The following BRPF3 variants were observed in gnomAD, a reference collection of about 807,000 sequenced individuals.
BRPF3 encodes bromodomain and PHD finger containing 3, also known as bromodomain and PHD finger-containing protein 3.
In BRPF3, 18 loss-of-function variants were observed where a neutral mutation model predicts 102.0. The observed-to-expected ratio is 0.18, with a 90% CI of 0.12 to 0.26. The LOEUF (loss-of-function observed/expected upper bound fraction) is 0.26. Ranked by LOEUF, BRPF3 falls within the 10% of genes least tolerant of loss-of-function variation. The pLI, the probability that BRPF3 is intolerant of heterozygous loss-of-function variation, is 1.00. For missense variants in BRPF3, 1,147 were observed against 1,567.8 expected (o/e 0.73, Z 4.53); for synonymous variants, 570 against 614.2 (o/e 0.93, Z 1.06).
intron 9 of BRPF3, among the ~76,000 whole-genome samples, chr6:36,221,817 A>G (rs957527792): frequency 6.6e-6 from 1 of 152,218 alleles, no homozygotes; most frequent in Non-Finnish European, 1.5e-5. Context: ...TTCTGGGCAG[A>G]TGTAAGATGG....
At position 36,230,617 on chromosome 6, in the gene BRPF3, G is replaced by T; in HGVS notation, c.*8G>T. On this transcript the variant is annotated 3_prime_UTR_variant, in exon 13 of 13. Transcript: ENST00000357641. The surrounding 1 kb of genome is among the most constrained non-coding windows in gnomAD (Gnocchi z 5.4). ...ACTTCCAGCTACCTGTAAGGGCAGG[G>T]CTGGGCCTGCATCCGCTTGCCCTGC... 1 of 1,603,820 alleles carries T rather than the reference G, an allele frequency of 6.2e-7. No individual in the cohort carries two copies. Among genetic ancestry groups the T allele is most frequent in the Non-Finnish European group, 8.5e-7 (1 of 1,175,920 alleles).
intron 9 of BRPF3, among the ~76,000 whole-genome samples, chr6:36,220,061 G>A (rs1331827008): frequency 6.6e-6 from 1 of 152,172 alleles, no homozygotes; most frequent in Non-Finnish European, 1.5e-5. Flanking sequence ...CATGGATATG[G>A]ATGTTAAACC....
rs1767942918 is a variant in BRPF3 at position 36,207,364 on chromosome 6, C to T, written c.1657C>T (p.Gln553Ter). 6.2e-7 allele frequency: 1 copy of T among 1,613,970 alleles called. No homozygotes were observed. The highest frequency in any genetic ancestry group is 1.7e-5 in the Admixed American group (1 of 60,012). ...SAVKEELKYWQKLRHDLERAR... is the reference protein window; with the variant it reads ...SAVKEELKYW ...AGTGAAGGAGGAGCTGAAGTATTGG[C>T]AGAAGCTCCGGCATGACTTGGAGCG... Residue 553 changes from glutamine to a stop codon, truncating the protein, a stop_gained, in exon 4 of 13, where the codon CAG (glutamine) becomes TAG (stop). Transcript: ENST00000357641. LOFTEE classifies it high-confidence loss of function.
Position 36,200,476 on chromosome 6 carries a change from A to G in BRPF3, c.154A>G (p.Ile52Val), listed in dbSNP as rs1767656591. The G allele has an allele frequency of 6.2e-7, 1 of 1,614,120 alleles. No homozygotes were observed. The highest frequency in any genetic ancestry group is 2.2e-5 in the East Asian group (1 of 44,896). Residue 52 changes from isoleucine (I) to valine (V), a missense_variant, in exon 2 of 13, where the codon ATC (isoleucine) becomes GTC (valine). Coordinates refer to ENST00000357641, the MANE Select transcript of BRPF3 (RefSeq NM_015695.3). This position sits in a 1 kb window ranked among gnomAD's most constrained non-coding sequence, Gnocchi z 5.3. ...AGACATTGATGGACGCCTGCATCGT[A>G]TCAGCATCTATGACCCACTCAAAAT... is the stretch of plus-strand genomic sequence containing the variant. The part of the protein sequence containing the change: ...EVDIDGRLHR[I>V]SIYDPLKIIT...
chr6:36,205,352 T>G lies in BRPF3; in HGVS notation c.1605+538T>G, dbSNP rs557891819. Among the ~76,000 whole-genome samples, 17 of 152,344 alleles carry G rather than the reference T, an allele frequency of 1.1e-4. 1 individual carries two copies. In the South Asian group the frequency reaches 3.5e-3, roughly 32 times the overall value. Reference sequence around the variant, plus strand: ...AACTCTTTAGTTCTTTCTCCCCCTTTACCTGTTCTATTCTTTCTGTCTTTA... The same window carrying G: ...AACTCTTTAGTTCTTTCTCCCCCTTGACCTGTTCTATTCTTTCTGTCTTTA... On this transcript the variant is annotated intron_variant, in intron 3 of 12. Coordinates refer to ENST00000357641, the MANE Select transcript of BRPF3 (RefSeq NM_015695.3).
Position 36,214,070 on chromosome 6 carries a change from G to A in BRPF3, c.2673G>A (p.Gly891=). Residue 891 remains glycine, a synonymous_variant, in exon 8 of 13, where the codon GGG becomes GGA. Transcript: ENST00000357641. ...ELLEKSPLQL[G]NEPLQRLLSD... ...TGGAAAAATCACCACTGCAGCTAGG[G>A]AATGAGCCTTTGCAACGCTTGCTCA... 6.2e-7 allele frequency: 1 copy of A among 1,614,170 alleles called. No individual in the cohort carries two copies.
chr6:36,200,208 A>T lies in BRPF3; in HGVS notation c.-26-89A>T. ...AGTTGTTCAGACAGAGGGAAAAGCC[A>T]GTCCTCTTGGTGGATGCTTGATCAT... On this transcript the variant is annotated intron_variant, in intron 1 of 12. Transcript: ENST00000357641. This position sits in a 1 kb window ranked among gnomAD's most constrained non-coding sequence, Gnocchi z 5.3. 2.1e-6 allele frequency: 3 copies of T among 1,414,078 alleles called. No individual in the cohort carries two copies. The highest frequency in any genetic ancestry group is 2.9e-5 in the African/African-American group (2 of 69,334). The allele number at this position is 1,414,078 out of a possible 1,614,324, so 87.6% of individuals were successfully genotyped here.
chr6:36,223,176 CTGTCTTTGAAG>C (rs2127295522), intron 10 of BRPF3, among the ~76,000 whole-genome samples: 1 of 152,304 alleles, frequency 6.6e-6, no homozygotes, highest in African/African-American at 2.4e-5. Flanking sequence ...CCTGGATGCC[CTGTCTTTGAAG>C]TGTCCATCTA....
In BRPF3 at chr6:36,200,653, T is replaced by C; in HGVS notation, c.331T>C (p.Ser111Pro). Residue 111 changes from serine to proline, a missense_variant, in exon 2 of 13, where the codon TCC (serine) becomes CCC (proline). Ser to Pro is a moderately conservative substitution (Grantham distance 74). This residue lies in a region of BRPF3 where 221 missense variants were observed against 337.1 expected (regional missense o/e 0.66). Transcript: ENST00000357641. This position sits in a 1 kb window ranked among gnomAD's most constrained non-coding sequence, Gnocchi z 5.3. ...ESCSKHASGTSFHLPQPSFRM... is the reference protein window; with the variant it reads ...ESCSKHASGTPFHLPQPSFRM... ...CTGCTCCAAGCATGCATCTGGTACTTCCTTCCACCTCCCACAGCCCAGCTT... is the reference window on the plus strand; with the variant it reads ...CTGCTCCAAGCATGCATCTGGTACTCCCTTCCACCTCCCACAGCCCAGCTT... 1.2e-6 allele frequency: 2 copies of C among 1,614,018 alleles called. No individual in the cohort carries two copies. The highest frequency in any genetic ancestry group is 2.2e-5 in the East Asian group (1 of 44,894).
chr6:36,203,101 G>T lies in BRPF3; in HGVS notation c.1448+1331G>T, dbSNP rs199726757. Among the ~76,000 whole-genome samples, 5 of 152,258 alleles carry T rather than the reference G, an allele frequency of 3.3e-5. No homozygotes were observed. In the East Asian group the frequency reaches 9.6e-4, roughly 29 times the overall value. ...ATGCTTAGTTCCCATCTGTAGGGTG[G>T]TTTTACCCTGAGGCTAGAATCTTTG... is the stretch of plus-strand genomic sequence containing the variant. On this transcript the variant is annotated intron_variant, in intron 2 of 12. Coordinates refer to ENST00000357641, the MANE Select transcript of BRPF3 (RefSeq NM_015695.3).
At chr6:36,211,002 C>T (rs915631453) in intron 6 of BRPF3, among the ~76,000 whole-genome samples, 12 of 152,220 alleles carry the variant, frequency 7.9e-5, no homozygotes, top group Non-Finnish European at 1.6e-4. Context: ...GCCAAGCTGC[C>T]TCATGCCTGC....
In BRPF3 at chr6:36,205,508, C is replaced by T. The variant is rs889841598; in HGVS notation, c.1605+694C>T. ...GAAGTATAAGCCTGTATCTGGCCCG[C>T]CTTGAACCTTTTGGTCCACCTGCTC... is the stretch of plus-strand genomic sequence containing the variant. On this transcript the variant is annotated intron_variant, in intron 3 of 12. Transcript: ENST00000357641. Among the ~76,000 whole-genome samples the T allele has an allele frequency of 2.0e-5, 3 of 152,198 alleles. No homozygotes were observed. The South Asian group carries it at 6.2e-4, about 32-fold the overall frequency.
At position 36,228,982 on chromosome 6, in the gene BRPF3, G is replaced by C. The variant is rs2127298620; in HGVS notation, c.3360G>C (p.Lys1120Asn). Residue 1120 changes from lysine (K) to asparagine (N), a missense_variant, in exon 12 of 13, where the codon AAG becomes AAC. Around this residue, in one of 11 missense-constraint regions of BRPF3, gnomAD observed 85 missense variants for 172.9 expected, o/e 0.49. Coordinates refer to ENST00000357641, the MANE Select transcript of BRPF3 (RefSeq NM_015695.3). Reference protein sequence around the residue: ...PIPVPPLDVLKLGEQKQAEAG... With the variant: ...PIPVPPLDVLNLGEQKQAEAG... ...CTGTCCCCCCGCTGGACGTGCTGAAGCTGGGAGAGCAGAAACAGGCAGAGG... is the reference window on the plus strand; with the variant it reads ...CTGTCCCCCCGCTGGACGTGCTGAACCTGGGAGAGCAGAAACAGGCAGAGG... 1 of 1,614,270 alleles carries C rather than the reference G, an allele frequency of 6.2e-7. No homozygotes were observed. Among genetic ancestry groups the C allele is most frequent in the East Asian group, 2.2e-5 (1 of 44,888 alleles).
chr6:36,201,541 A>T lies in BRPF3; in HGVS notation c.1219A>T (p.Thr407Ser), dbSNP rs1767699526. 1.9e-6 allele frequency: 3 copies of T among 1,614,026 alleles called. No homozygotes were observed. In the South Asian group the frequency reaches 3.3e-5, roughly 18 times the overall value. Residue 407 changes from threonine (T) to serine (S), a missense_variant, in exon 2 of 13, where the codon ACT becomes TCT. Physicochemically the swap from Thr to Ser is moderately conservative, Grantham distance 58. Transcript: ENST00000357641. The surrounding 1 kb of genome is among the most constrained non-coding windows in gnomAD (Gnocchi z 5.1). Reference protein sequence around the residue: ...KGDSPRSISETGDEEGLKEGD... With the variant: ...KGDSPRSISESGDEEGLKEGD... The stretch of plus-strand genomic sequence containing the variant: ...CGACTCCCCTAGAAGCATCAGTGAG[A>T]CTGGCGATGAGGAAGGGCTGAAGGA...
chr6:36,197,637 T>G, intron 1 of BRPF3: 1 of 103,310 alleles, frequency 9.7e-6, no homozygotes, highest in Non-Finnish European at 2.0e-5. Flanking sequence ...GAGCGAGGGG[T>G]CAGGGGGTGC....
intron 11 of BRPF3, among the ~76,000 whole-genome samples, chr6:36,228,461 C>T (rs1035595099): frequency 2.0e-5 from 3 of 152,172 alleles, no homozygotes; most frequent in Non-Finnish European, 4.4e-5. Context: ...AACCTCCAAG[C>T]TCATTCTCTA....
At chr6:36,215,561 C>T (rs1768299524) in intron 8 of BRPF3, among the ~76,000 whole-genome samples, 1 of 152,144 alleles carries the variant, frequency 6.6e-6, no homozygotes, top group African/African-American at 2.4e-5. Flanking sequence ...CAGTGGTGGA[C>T]AGTATGTTGT....
intron 8 of BRPF3, among the ~76,000 whole-genome samples, 191 bp downstream of exon 8, chr6:36,214,577 G>T (rs1240775591): frequency 2.0e-5 from 3 of 152,188 alleles, no homozygotes; most frequent in Non-Finnish European, 4.4e-5. Flanking sequence ...CTTTGAGCAG[G>T]TATTTTCCAG....
chr6:36,228,963 C>G lies in BRPF3; in HGVS notation c.3341C>G (p.Pro1114Arg). The G allele has an allele frequency of 6.2e-7, 1 of 1,614,234 alleles. No individual in the cohort carries two copies. The highest frequency in any genetic ancestry group is 8.5e-7 in the Non-Finnish European group (1 of 1,180,038). Residue 1114 changes from proline (P) to arginine (R), a missense_variant, in exon 12 of 13, where the codon CCC becomes CGC. Coordinates refer to ENST00000357641, the MANE Select transcript of BRPF3 (RefSeq NM_015695.3). ...CACAATGGCGTTCCCATCCCTGTCC[C>G]CCCGCTGGACGTGCTGAAGCTGGGA... is the stretch of plus-strand genomic sequence containing the variant. Reference protein sequence around the residue: ...LLHNGVPIPVPPLDVLKLGEQ... With the variant: ...LLHNGVPIPVRPLDVLKLGEQ...
Sources: allele counts gnomAD v4.1 joint callset (sites outside exome capture counted in the v4.1 genomes callset), GRCh38; gene constraint gnomAD v4.1.1; regional missense constraint gnomAD v4.1.1; non-coding constraint Gnocchi (gnomAD v3.1); transcripts MANE v1.5; gene names NCBI Gene and HGNC (gene_info 2026-07-23, HGNC 2026-07-21).